Variants in NOL4 observed in about 807,000 individuals in gnomAD.
The protein encoded by NOL4 is cancer/testis antigen 125.
In NOL4, 17 loss-of-function variants were observed where a neutral mutation model predicts 75.9. The observed-to-expected ratio is 0.22, with a 90% CI of 0.15 to 0.34. NOL4 has a LOEUF of 0.34. Among genes scored for constraint, NOL4 ranks in the 10% least tolerant of loss-of-function variants. The probability of loss-of-function intolerance (pLI) is 1.00; values close to 1 mark genes in which losing one functional copy is unlikely to be tolerated. For missense variants in NOL4, 614 were observed against 793.5 expected (o/e 0.77, Z 2.72); for synonymous variants, 292 against 289.9 (o/e 1.01, Z -0.07).
chr18:34,181,942 C>G (rs141554217), intron 1 of NOL4, among the ~76,000 whole-genome samples: 18 of 151,570 alleles, frequency 1.2e-4, no homozygotes, highest in Admixed American at 1.2e-3. Context: ...GAAATGGGAA[C>G]CTCATAACGT....
At chr18:34,175,869 A>G (rs547826756) in intron 1 of NOL4, among the ~76,000 whole-genome samples, 1 of 152,280 alleles carries the variant, frequency 6.6e-6, no homozygotes, top group African/African-American at 2.4e-5. Flanking sequence ...GGGGAGAGAC[A>G]AGAATCTCAT....
chr18:33,981,372 C>T (rs1489101098), intron 6 of NOL4, among the ~76,000 whole-genome samples: 2 of 149,948 alleles, frequency 1.3e-5, no homozygotes, highest in Non-Finnish European at 3.0e-5. Context: ...GTGGGAAAAA[C>T]TACACCTAGC....
At chr18:34,140,888 C>G (rs997918579) in intron 1 of NOL4, among the ~76,000 whole-genome samples, 1 of 152,010 alleles carries the variant, frequency 6.6e-6, no homozygotes, top group Non-Finnish European at 1.5e-5. Flanking sequence ...GTGACAAAAT[C>G]TCTCAGCATT....
At chr18:33,876,583 T>C (rs889261051) in intron 10 of NOL4, among the ~76,000 whole-genome samples, 13 of 152,088 alleles carry the variant, frequency 8.5e-5, no homozygotes, top group African/African-American at 3.1e-4. Context: ...TATGCATATG[T>C]ATGTAGTTTC....
intron 9 of NOL4, among the ~76,000 whole-genome samples, chr18:33,939,249 T>C (rs1415534040): frequency 6.6e-6 from 1 of 152,188 alleles, no homozygotes; most frequent in East Asian, 1.9e-4. Context: ...AGGATTGTCT[T>C]AGCTATATGG....
At chr18:33,914,334 G>C (rs1194417306) in intron 9 of NOL4, among the ~76,000 whole-genome samples, 3 of 152,048 alleles carry the variant, frequency 2.0e-5, no homozygotes, top group Admixed American at 6.6e-5. Flanking sequence ...AACACTACAA[G>C]GAAGTCTGTG....
chr18:34,115,230 A>G (rs2079796498), intron 2 of NOL4, among the ~76,000 whole-genome samples: 1 of 152,084 alleles, frequency 6.6e-6, no homozygotes, highest in African/African-American at 2.4e-5. Context: ...CCTTTTTTGG[A>G]CATACACCAG....
intron 1 of NOL4, among the ~76,000 whole-genome samples, chr18:34,179,236 A>G (rs1302797813): frequency 6.6e-6 from 1 of 151,576 alleles, no homozygotes; most frequent in South Asian, 2.1e-4. Context: ...TTTAAAAAAG[A>G]AAGATCTCAA....
chr18:34,001,232 C>A (rs1321329002), intron 6 of NOL4, among the ~76,000 whole-genome samples: 1 of 152,048 alleles, frequency 6.6e-6, no homozygotes, highest in African/African-American at 2.4e-5. Context: ...TACGTGAATT[C>A]TTCCTAAATA....
intron 5 of NOL4, chr18:34,023,561 G>A (rs1320225315): frequency 2.2e-6 from 1 of 448,916 alleles, no homozygotes; most frequent in African/African-American, 2.0e-5. Flanking sequence ...GTTTCAGCCT[G>A]GGTACCATAG....
chr18:34,132,371 A>T (rs2080693700), intron 1 of NOL4, among the ~76,000 whole-genome samples: 1 of 152,240 alleles, frequency 6.6e-6, no homozygotes, highest in African/African-American at 2.4e-5. Context: ...AGAGCACAGG[A>T]GATACAAATT....
At chr18:33,918,029 G>A (rs1412360915) in intron 9 of NOL4, among the ~76,000 whole-genome samples, 1 of 152,058 alleles carries the variant, frequency 6.6e-6, no homozygotes, top group Non-Finnish European at 1.5e-5. Flanking sequence ...CTAGTTTAGG[G>A]ACTCTGGCCT....
chr18:33,856,843 T>C (rs1418892664), intron 10 of NOL4, among the ~76,000 whole-genome samples: 1 of 151,954 alleles, frequency 6.6e-6, no homozygotes, highest in Non-Finnish European at 1.5e-5. Flanking sequence ...AACAATTGAG[T>C]CTTTGTTTTT....
intron 10 of NOL4, among the ~76,000 whole-genome samples, chr18:33,879,352 T>C (rs1213076795): frequency 2.0e-5 from 3 of 152,034 alleles, no homozygotes; most frequent in Non-Finnish European, 4.4e-5. Context: ...TTTCACTACC[T>C]GGAGATCACT....
intron 10 of NOL4, among the ~76,000 whole-genome samples, chr18:33,877,690 C>A (rs2064010873): frequency 6.6e-6 from 1 of 151,966 alleles, no homozygotes; most frequent in East Asian, 1.9e-4. Context: ...GCATGTATAT[C>A]CAAACTGTGC....
intron 5 of NOL4, among the ~76,000 whole-genome samples, chr18:34,056,672 C>A (rs1280825774): frequency 3.3e-5 from 5 of 152,154 alleles, no homozygotes; most frequent in Non-Finnish European, 7.3e-5. Context: ...AATGTTTCCT[C>A]CAGTGTGCAC....
rs1315575897 is a variant in NOL4 at position 33,921,211 on chromosome 18, TACTC to T, written c.1542+21850_1542+21853del. On this transcript the variant is annotated intron_variant, in intron 9 of 10. Coordinates refer to ENST00000261592, the MANE Select transcript of NOL4 (RefSeq NM_003787.5). The stretch of plus-strand genomic sequence containing the variant: ...CCAGGATGGACCATATCCAGAGTCT[TACTC>T]ACACTGGATTGAGATGATTTAAAGA... Among the ~76,000 whole-genome samples the T allele has an allele frequency of 2.0e-5, 3 of 152,346 alleles. No homozygotes were observed. In the East Asian group the frequency reaches 5.8e-4, roughly 29 times the overall value.
chr18:34,002,535 C>T lies in NOL4; in HGVS notation c.1056+16783G>A, dbSNP rs79531443. The stretch of plus-strand genomic sequence containing the variant: ...CCATGTCTTCTTGTTCCACCTCCAA[C>T]GTCTTGCTAATGAACAGCGTGACCC... On this transcript the variant is annotated intron_variant, in intron 6 of 10. Coordinates refer to ENST00000261592, the MANE Select transcript of NOL4 (RefSeq NM_003787.5). Among the ~76,000 whole-genome samples the T allele has an allele frequency of 1.1e-4, 17 of 152,178 alleles. No homozygotes were observed. The East Asian group carries it at 2.5e-3, about 23-fold the overall frequency.
In NOL4 at chr18:34,223,427, G is replaced by C; in HGVS notation, c.-174C>G. The C allele has an allele frequency of 1.2e-6, 1 of 823,446 alleles. No homozygotes were observed. The highest frequency in any genetic ancestry group is 3.7e-4 in the Middle Eastern group (1 of 2,694). 51.0% of individuals were successfully genotyped at this position (823,446 alleles called of 1,614,324 possible). On this transcript the variant is annotated 5_prime_UTR_variant, in exon 1 of 11. Coordinates refer to ENST00000261592, the MANE Select transcript of NOL4 (RefSeq NM_003787.5). ...GGAAGAGGGGAGGAGGGTCCGGTTG[G>C]GCACCAGCAATCAATGCCCCGTGCT...
Sources: allele counts gnomAD v4.1 joint callset (sites outside exome capture counted in the v4.1 genomes callset), GRCh38; gene constraint gnomAD v4.1.1; transcripts MANE v1.5; gene names NCBI Gene and HGNC (gene_info 2026-07-23, HGNC 2026-07-21).